The following ZNF197 variants were observed in gnomAD, a reference collection of about 807,000 sequenced individuals.
The protein encoded by ZNF197 is zinc finger protein 197, also known as VHL-associated KRAB-A domain-containing protein.
ZNF197 carries 14 observed loss-of-function variants against 27.4 expected under a neutral mutation model. The ratio of observed to expected loss-of-function variants is 0.51; its 90% CI spans 0.34 to 0.80. The LOEUF (loss-of-function observed/expected upper bound fraction) is 0.80, where lower values mean the gene tolerates loss of function less well. ZNF197 is among the 30% of genes least tolerant of loss of function. ZNF197 has a pLI of 0.02. For synonymous variants in ZNF197, 415 were observed against 420.0 expected, an observed-to-expected ratio of 0.99 and a Z score of 0.15; for missense variants, 1,090 against 1,222.6, an observed-to-expected ratio of 0.89 and a Z score of 1.62.
chr3:44,627,462 A>G (rs1392659447), intron 1 of ZNF197, among the ~76,000 whole-genome samples: 1 of 152,128 alleles, frequency 6.6e-6, no homozygotes, highest in African/African-American at 2.4e-5. Context: ...TTTTGAAAAT[A>G]GAGTTTCTTT....
At chr3:44,636,039 T>C (rs1169970027) in intron 5 of ZNF197, among the ~76,000 whole-genome samples, 1 of 152,210 alleles carries the variant, frequency 6.6e-6, no homozygotes, top group Non-Finnish European at 1.5e-5. Flanking sequence ...GCATGGTGGC[T>C]CATGCCTGTA....
intron 2 of ZNF197, among the ~76,000 whole-genome samples, chr3:44,630,567 A>C (rs1483466991): frequency 1.3e-5 from 2 of 152,190 alleles, no homozygotes; most frequent in African/African-American, 4.8e-5. Context: ...TTACTAATAC[A>C]TCCTCATTTG....
At position 44,629,319 on chromosome 3, in the gene ZNF197, A is replaced by G; in HGVS notation, c.165A>G (p.Gly55=). The change falls in exon 2 of 6, where the codon GGA becomes GGG. Residue 55 remains glycine (G), a synonymous_variant. Coordinates refer to ENST00000344387, the MANE Select transcript of ZNF197 (RefSeq NM_006991.5). ...AATTACGTTACCATGAGACATCTGG[A>G]CCCCAGGAAGCCCTGAGCCGGCTCA... ...FRQLRYHETS[G]PQEALSRLRE... The G allele has an allele frequency of 6.2e-7, 1 of 1,614,044 alleles. No homozygotes were observed. The highest frequency in any genetic ancestry group is 8.5e-7 in the Non-Finnish European group (1 of 1,179,994).
chr3:44,625,201 G>T (rs1157164727), intron 1 of ZNF197, 58 bp downstream of exon 1: 2 of 152,244 alleles, frequency 1.3e-5, no homozygotes, highest in African/African-American at 4.8e-5. Context: ...CCGGGACGCG[G>T]GCCTGAGCTT....
intron 2 of ZNF197, 88 bp from the exon 3 acceptor site, chr3:44,630,974 G>A (rs905387085): frequency 6.4e-7 from 1 of 1,557,862 alleles, no homozygotes; most frequent in African/African-American, 1.4e-5. Flanking sequence ...CACAGTTGTA[G>A]ATTGTGGGCA....
chr3:44,632,639 C>A, intron 5 of ZNF197, 40 bp downstream of exon 5: 1 of 1,427,474 alleles, frequency 7.0e-7, no homozygotes, highest in Non-Finnish European at 9.2e-7. Context: ...CTTTATTTCA[C>A]CAGCCTTTAT....
At position 44,629,480 on chromosome 3, in the gene ZNF197, G is replaced by T. The variant is rs1238699041; in HGVS notation, c.326G>T (p.Ser109Ile). The change falls in exon 2 of 6, where the codon AGT (serine) becomes ATT (isoleucine). Residue 109 changes from serine to isoleucine, a missense_variant. Coordinates refer to ENST00000344387, the MANE Select transcript of ZNF197 (RefSeq NM_006991.5). ...RTWVQLHHPG[S>I]GEEAVALVEE... is the part of the protein sequence containing the mutation. ...TGGGTACAGCTCCATCACCCTGGAA[G>T]TGGCGAGGAGGCTGTGGCCCTGGTA... 1 of 1,606,004 alleles carries T rather than the reference G, an allele frequency of 6.2e-7. No homozygotes were observed. The highest frequency in any genetic ancestry group is 8.5e-7 in the Non-Finnish European group (1 of 1,176,750).
intron 5 of ZNF197, among the ~76,000 whole-genome samples, chr3:44,633,434 G>C (rs537820461): frequency 6.6e-6 from 1 of 152,280 alleles, no homozygotes; most frequent in African/African-American, 2.4e-5. Flanking sequence ...TACAAGAGTG[G>C]CATAAACCTG....
In ZNF197 at chr3:44,644,949, A is replaced by G. The variant is rs2125828321; in HGVS notation, c.*729A>G. 2.0e-6 allele frequency: 2 copies of G among 985,472 alleles called. No homozygotes were observed. The highest frequency in any genetic ancestry group is 1.7e-5 in the African/African-American group (1 of 57,388). The allele number at this position is 985,472 out of a possible 1,614,324, so 61.0% of individuals were successfully genotyped here. A position where few individuals can be genotyped will look rare whatever the true frequency, so the allele number is the denominator to read the frequency against. On this transcript the variant is annotated 3_prime_UTR_variant, in exon 6 of 6. Coordinates refer to ENST00000344387, the MANE Select transcript of ZNF197 (RefSeq NM_006991.5). ...TGTGTATAGTATGCATTTTAAAGAT[A>G]GTGTCACTGCTGTGGAAAACCTGAA... is the stretch of plus-strand genomic sequence containing the variant.
At chr3:44,636,951 T>C (rs1702328675) in intron 5 of ZNF197, among the ~76,000 whole-genome samples, 1 of 152,236 alleles carries the variant, frequency 6.6e-6, no homozygotes, top group Admixed American at 6.5e-5. Flanking sequence ...ATTTACCTGA[T>C]GGTTAATGAT....
chr3:44,642,966 T>C lies in ZNF197; in HGVS notation c.1836T>C (p.His612=), dbSNP rs1328413091. ...GTTCTAAGTCAAACTTCATTGACCA[T>C]AAGAGGATGCACAGCAGAGAGAAAC... ...IFSSKSNFID[H]KRMHSREKPY... Residue 612 remains histidine, a synonymous_variant, in exon 6 of 6, where the codon CAT becomes CAC. Coordinates refer to ENST00000344387, the MANE Select transcript of ZNF197 (RefSeq NM_006991.5). 4.3e-6 allele frequency: 7 copies of C among 1,613,872 alleles called. No individual in the cohort carries two copies. In the South Asian group the frequency reaches 6.6e-5, roughly 15 times the overall value.
At position 44,642,842 on chromosome 3, in the gene ZNF197, G is replaced by T. The variant is rs373936609; in HGVS notation, c.1712G>T (p.Cys571Phe). 1.9e-6 allele frequency: 3 copies of T among 1,614,144 alleles called. No individual in the cohort carries two copies. The highest frequency in any genetic ancestry group is 2.5e-6 in the Non-Finnish European group (3 of 1,180,034). The change falls in exon 6 of 6, where the codon TGT becomes TTT. Residue 571 changes from cysteine to phenylalanine, a missense_variant. Physicochemically the swap from Cys to Phe is radical, Grantham distance 205. Transcript: ENST00000344387. ...SAENPYKCKE[C>F]GKVFIRSKSL... is the part of the protein sequence containing the mutation. ...GAGAACCCTTACAAGTGTAAAGAAT[G>T]TGGAAAAGTTTTCATTCGAAGCAAA...
rs947083498 is a variant in ZNF197, at chr3:44,629,132, G to A, written c.-23G>A. ...GGATTAAGGAGACCTGGACTGGAGA[G>A]GAGCCTTTTTCAAAAAACAACAATG... On this transcript the variant is annotated 5_prime_UTR_variant, in exon 2 of 6. Coordinates refer to ENST00000344387, the MANE Select transcript of ZNF197 (RefSeq NM_006991.5). The A allele has an allele frequency of 1.9e-6, 3 of 1,590,114 alleles. No homozygotes were observed. Among genetic ancestry groups the A allele is most frequent in the Non-Finnish European group, 2.6e-6 (3 of 1,171,096 alleles).
In ZNF197 at chr3:44,629,558, G is replaced by C; in HGVS notation, c.390+14G>C. ...CCAGCAATACAAGTGAGAAAGACAG[G>C]GAGGGGCGGTGGGTGTTGGGATGAA... On this transcript the variant is annotated intron_variant, in intron 2 of 5. Transcript: ENST00000344387. The C allele has an allele frequency of 6.5e-7, 1 of 1,537,744 alleles. No individual in the cohort carries two copies. The highest frequency in any genetic ancestry group is 8.7e-7 in the Non-Finnish European group (1 of 1,143,976).
chr3:44,639,719 C>T (rs936251356), intron 5 of ZNF197, among the ~76,000 whole-genome samples: 7 of 150,898 alleles, frequency 4.6e-5, no homozygotes, highest in African/African-American at 1.2e-4. Flanking sequence ...GGTGTAGGTA[C>T]GGGCTTAGGT....
At chr3:44,632,269 T>G in intron 4 of ZNF197, 73 bp downstream of exon 4, 2 of 1,562,496 alleles carry the variant, frequency 1.3e-6, no homozygotes, top group Non-Finnish European at 1.8e-6. Context: ...CTCATCCTTG[T>G]GCTTCAATGT....
intron 5 of ZNF197, among the ~76,000 whole-genome samples, chr3:44,634,523 C>T (rs1702176088): frequency 1.3e-5 from 2 of 151,952 alleles, no homozygotes; most frequent in South Asian, 2.1e-4. Context: ...GATCTCAGCT[C>T]ACTGTAACCT....
rs1030073976 is a variant in ZNF197 at position 44,644,596 on chromosome 3, G to A, written c.*376G>A. ...GGAGGTTGCAGTGAGCCAGGATCGC[G>A]CCATTGCACTCCAGCCTGGGCAACA... On this transcript the variant is annotated 3_prime_UTR_variant, in exon 6 of 6. Coordinates refer to ENST00000344387, the MANE Select transcript of ZNF197 (RefSeq NM_006991.5). 3.7e-5 allele frequency: 36 copies of A among 984,764 alleles called. No individual in the cohort carries two copies. In the African/African-American group the frequency reaches 5.4e-4, roughly 15 times the overall value. The allele number at this position is 984,764 out of a possible 1,614,324, so 61.0% of individuals were successfully genotyped here. A position where few individuals can be genotyped will look rare whatever the true frequency, so the allele number is the denominator to read the frequency against.
At position 44,643,697 on chromosome 3, in the gene ZNF197, C is replaced by T. The variant is rs769234925; in HGVS notation, c.2567C>T (p.Thr856Met). ...TGTAGTGAGTGTGGAAAAGGTTTTA[C>T]GTACAACAGAAACCTGATTGAACAT... The part of the protein sequence containing the change: ...YACSECGKGF[T>M]YNRNLIEHQR... The change falls in exon 6 of 6, where the codon ACG becomes ATG. Residue 856 changes from threonine (T) to methionine (M), a missense_variant. Coordinates refer to ENST00000344387, the MANE Select transcript of ZNF197 (RefSeq NM_006991.5). 55 of 1,613,822 alleles carry T rather than the reference C, an allele frequency of 3.4e-5. No homozygotes were observed. The Admixed American group carries it at 4.7e-4, about 14-fold the overall frequency.
Sources: allele counts gnomAD v4.1 joint callset (sites outside exome capture counted in the v4.1 genomes callset), GRCh38; gene constraint gnomAD v4.1.1; transcripts MANE v1.5; gene names NCBI Gene and HGNC (gene_info 2026-07-23, HGNC 2026-07-21).